The following QDPR variants were observed in gnomAD, a reference collection of about 807,000 sequenced individuals.
QDPR encodes quinoid dihydropteridine reductase, also known as dihydropteridine reductase.
QDPR carries 23 observed loss-of-function variants against 31.7 expected under a neutral mutation model. The ratio of observed to expected loss-of-function variants is 0.73; its 90% CI spans 0.52 to 1.03. The LOEUF (loss-of-function observed/expected upper bound fraction) is 1.03, where lower values mean the gene tolerates loss of function less well. QDPR is among the 50% of genes least tolerant of loss of function. QDPR has a pLI of 0.00. For synonymous variants in QDPR, 124 were observed against 124.7 expected (o/e 0.99, Z 0.03); for missense variants, 324 against 323.8 (o/e 1.00, Z 0.00).
chr4:17,504,277 T>G (rs957189024), intron 3 of QDPR, 102 bp downstream of exon 3: 3 of 938,402 alleles, frequency 3.2e-6, no homozygotes, highest in Non-Finnish European at 5.2e-6. Flanking sequence ...TTCCGGGATA[T>G]ACACAAAAAA....
In QDPR at chr4:17,504,710, T is replaced by C. The variant is rs1469241192; in HGVS notation, c.199-235A>G. Among the ~76,000 whole-genome samples, 5 of 152,176 alleles carry C rather than the reference T, an allele frequency of 3.3e-5. No homozygotes were observed. The South Asian group carries it at 6.2e-4, about 19-fold the overall frequency. On this transcript the variant is annotated intron_variant, in intron 2 of 6. Coordinates refer to ENST00000281243, the MANE Select transcript of QDPR (RefSeq NM_000320.3). ...ACAATCTAGAGTCTCTGTGTATACA[T>C]TCTGAAAGGTAGAGACATGAGCATC...
intron 4 of QDPR, among the ~76,000 whole-genome samples, chr4:17,496,384 C>T (rs573122442): frequency 4.7e-5 from 6 of 127,926 alleles, no homozygotes; most frequent in African/African-American, 8.8e-5. Context: ...TCAGACGTTG[C>T]GGTGAGCCAA....
intron 3 of QDPR, among the ~76,000 whole-genome samples, chr4:17,502,392 TAAGG>T (rs891051216): frequency 3.3e-5 from 5 of 152,092 alleles, no homozygotes; most frequent in African/African-American, 9.7e-5. Flanking sequence ...GCCAGAGACA[TAAGG>T]AAGAACAAAT....
chr4:17,507,818 G>T lies in QDPR; in HGVS notation c.198+1453C>A, dbSNP rs180812360. On this transcript the variant is annotated intron_variant, in intron 2 of 6. Transcript: ENST00000281243. ...GGGGTTTCACCATGTTGGCCAGGAT[G>T]GTCTTGATCTCCTGACCTCGTGATC... Among the ~76,000 whole-genome samples the T allele has an allele frequency of 4.4e-3, 675 of 152,120 alleles. 4 individuals carry two copies. Among genetic ancestry groups the T allele is most frequent in the African/African-American group, 0.015 (611 of 41,512 alleles).
Position 17,509,366 on chromosome 4 carries a change from G to A in QDPR, c.106-3C>T, listed in dbSNP as rs1160064156. 6.2e-7 allele frequency: 1 copy of A among 1,612,966 alleles called. No individual in the cohort carries two copies. Among genetic ancestry groups the A allele is most frequent in the Non-Finnish European group, 8.5e-7 (1 of 1,179,066 alleles). On this transcript the variant is annotated splice_region_variant and splice_polypyrimidine_tract_variant and intron_variant, in intron 1 of 6. Transcript: ENST00000281243. ...ACCACATCAACGCTGGCAACCCACTGGAAGGAGAAAACAGCTTTGGTTAAG... is the reference window on the plus strand; with the variant it reads ...ACCACATCAACGCTGGCAACCCACTAGAAGGAGAAAACAGCTTTGGTTAAG...
At chr4:17,503,981 G>A (rs1718660193) in intron 3 of QDPR, among the ~76,000 whole-genome samples, 1 of 151,652 alleles carries the variant, frequency 6.6e-6, no homozygotes, top group African/African-American at 2.4e-5. Flanking sequence ...GAGGGGAGGG[G>A]AGGGAAGGGA....
intron 1 of QDPR, among the ~76,000 whole-genome samples, chr4:17,511,279 GGAAAT>G (rs1718996316): frequency 6.6e-6 from 1 of 152,088 alleles, no homozygotes; most frequent in Non-Finnish European, 1.5e-5. Context: ...GCCGCCTCCT[GGAAAT>G]TGACACCTGA....
At chr4:17,497,142 TCA>T (rs1205560308) in intron 4 of QDPR, among the ~76,000 whole-genome samples, 2 of 152,146 alleles carry the variant, frequency 1.3e-5, no homozygotes, top group Non-Finnish European at 2.9e-5. Flanking sequence ...TGAGAAGCCA[TCA>T]CTGTAGTTGG....
chr4:17,489,582 C>G (rs112497941), intron 6 of QDPR, among the ~76,000 whole-genome samples: 2 of 152,168 alleles, frequency 1.3e-5, no homozygotes, highest in Admixed American at 6.5e-5. Context: ...CCCGGCTGTG[C>G]TGTGTGACCT....
chr4:17,493,128 A>G (rs1718226025), intron 4 of QDPR, among the ~76,000 whole-genome samples: 1 of 152,180 alleles, frequency 6.6e-6, no homozygotes, highest in African/African-American at 2.4e-5. Context: ...TCCAGACACC[A>G]ACTGGGTGTC....
intron 4 of QDPR, among the ~76,000 whole-genome samples, chr4:17,493,352 T>G (rs1718236615): frequency 6.6e-6 from 1 of 152,100 alleles, no homozygotes; most frequent in Non-Finnish European, 1.5e-5. Context: ...GGAGGTTCAC[T>G]TGAGCCTGGG....
intron 1 of QDPR, chr4:17,509,972 A>T (rs10020171): frequency 0.26 from 117,108 of 455,206 alleles, 16,147 homozygotes; most frequent in African/African-American, 0.36. Context: ...GTTGTTACTC[A>T]AATCTGCAAT....
intron 4 of QDPR, among the ~76,000 whole-genome samples, chr4:17,496,811 C>T (rs12511229): frequency 0.07 from 10,679 of 152,034 alleles, 926 homozygotes; most frequent in East Asian, 0.44. Flanking sequence ...GACTGGAGTG[C>T]AGTGGCGCAA....
At chr4:17,489,399 G>A (rs1031504087) in intron 6 of QDPR, among the ~76,000 whole-genome samples, 4 of 152,072 alleles carry the variant, frequency 2.6e-5, no homozygotes, top group African/African-American at 9.7e-5. Context: ...TGGGAGTGTC[G>A]GCCTTTAAAA....
intron 2 of QDPR, 99 bp from the exon 3 acceptor site, chr4:17,504,574 C>A (rs755988762): frequency 1.0e-6 from 1 of 999,458 alleles, no homozygotes; most frequent in Non-Finnish European, 1.6e-6. Flanking sequence ...TCTTTTTAAG[C>A]CAGTTTACAG....
chr4:17,493,829 G>T (rs1277282576), intron 4 of QDPR, among the ~76,000 whole-genome samples: 1 of 152,124 alleles, frequency 6.6e-6, no homozygotes, highest in African/African-American at 2.4e-5. Context: ...CCTCCTAATT[G>T]CTTGGTCATT....
At chr4:17,492,641 C>A in intron 4 of QDPR, 1 of 412,670 alleles carries the variant, frequency 2.4e-6, no homozygotes, top group Non-Finnish European at 4.4e-6. Context: ...CCAGAAGAGG[C>A]CAGGAAGAAA....
chr4:17,511,780 C>T (rs1297346878), intron 1 of QDPR, among the ~76,000 whole-genome samples, 170 bp downstream of exon 1: 1 of 152,170 alleles, frequency 6.6e-6, no homozygotes, highest in African/African-American at 2.4e-5. Flanking sequence ...CGTGCGCACG[C>T]ACTCGGAAAC....
At position 17,492,241 on chromosome 4, in the gene QDPR, G is replaced by C. The variant is rs751460559; in HGVS notation, c.536C>G (p.Ala179Gly). 6.2e-7 allele frequency: 1 copy of C among 1,613,876 alleles called. No homozygotes were observed. The highest frequency in any genetic ancestry group is 2.2e-5 in the East Asian group (1 of 44,880). ...AACCCCAAGCACTTACGGGAGCACA[G>C]CGATGGCGGCTGCCCCGGGCGGCAT... ...SGMPPGAAAI[A>G]VLPVTLDTPM... Residue 179 changes from alanine to glycine, a missense_variant, in exon 5 of 7, where the codon GCT (alanine) becomes GGT (glycine). Ala to Gly is a moderately conservative substitution (Grantham distance 60). Coordinates refer to ENST00000281243, the MANE Select transcript of QDPR (RefSeq NM_000320.3).
Sources: gnomAD v4.1 joint callset for allele counts (sites outside exome capture counted in the v4.1 genomes callset) on GRCh38, gnomAD v4.1.1 for gene constraint, MANE v1.5 for transcripts, NCBI Gene and HGNC (gene_info 2026-07-23, HGNC 2026-07-21) for gene names.